Variants in STK32B observed in about 807,000 individuals in gnomAD.
The protein encoded by STK32B is serine/threonine kinase 32B, also known as serine/threonine-protein kinase 32B.
In STK32B, 43 loss-of-function variants were observed where a neutral mutation model predicts 52.6. The observed-to-expected ratio is 0.82, with a 90% CI of 0.64 to 1.05. The LOEUF (loss-of-function observed/expected upper bound fraction) is 1.05. Among genes scored for constraint, STK32B ranks in the 50% least tolerant of loss-of-function variants. The probability of loss-of-function intolerance (pLI) is 0.00; values close to 1 mark genes in which losing one functional copy is unlikely to be tolerated. For missense variants in STK32B, 621 were observed against 534.6 expected (o/e 1.16, Z -1.59); for synonymous variants, 238 against 204.3 (o/e 1.17, Z -1.41).
intron 6 of STK32B, among the ~76,000 whole-genome samples, chr4:5,425,565 C>G (rs1713020751): frequency 6.6e-6 from 1 of 151,428 alleles, no homozygotes; most frequent in African/African-American, 2.4e-5. Context: ...CATAAGTATT[C>G]CTACCCTCAT....
intron 3 of STK32B, among the ~76,000 whole-genome samples, chr4:5,289,685 A>ATTT (rs56211807): frequency 3.6e-4 from 31 of 86,870 alleles, no homozygotes; most frequent in Non-Finnish European, 5.7e-4. Flanking sequence ...TGCCCGGCTA[A>ATTT]TTTTTTTTTT....
intron 3 of STK32B, among the ~76,000 whole-genome samples, chr4:5,319,324 G>A (rs1185799979): frequency 6.6e-6 from 1 of 152,146 alleles, no homozygotes; most frequent in Non-Finnish European, 1.5e-5. Context: ...GCTCATCACT[G>A]CTTACCAATG....
At chr4:5,133,840 G>C (rs6848850) in intron 1 of STK32B, among the ~76,000 whole-genome samples, 126,160 of 151,606 alleles carry the variant, frequency 0.83, 52,857 homozygotes, top group South Asian at 0.89. Context: ...GTCTATGGCC[G>C]TCATCCTGAC....
chr4:5,370,982 A>ATGTGTGTGTGTG (rs1337439381), intron 4 of STK32B, among the ~76,000 whole-genome samples: 2 of 109,352 alleles, frequency 1.8e-5, no homozygotes, highest in African/African-American at 9.7e-5. Flanking sequence ...AAATATATAT[A>ATGTGTGTGTGTG]TATGTGTGTG....
intron 3 of STK32B, among the ~76,000 whole-genome samples, chr4:5,275,834 G>C (rs535600024): frequency 1.3e-5 from 2 of 152,138 alleles, no homozygotes; most frequent in Non-Finnish European, 2.9e-5. Context: ...AGAAGGAGAA[G>C]GGGGATGCCA....
intron 3 of STK32B, among the ~76,000 whole-genome samples, chr4:5,274,729 ACT>A (rs1471071554): frequency 6.6e-6 from 1 of 150,850 alleles, no homozygotes; most frequent in African/African-American, 2.4e-5. Context: ...ACTCTTTTTC[ACT>A]CTATTAAATC....
chr4:5,483,514 T>C (rs1718895171), intron 11 of STK32B, among the ~76,000 whole-genome samples: 1 of 152,212 alleles, frequency 6.6e-6, no homozygotes, highest in Admixed American at 6.5e-5. Flanking sequence ...GTCTATCAAT[T>C]TTGTTGACCT....
intron 6 of STK32B, among the ~76,000 whole-genome samples, chr4:5,430,028 T>G (rs539463180): frequency 6.6e-6 from 1 of 152,306 alleles, no homozygotes; most frequent in East Asian, 1.9e-4. Context: ...TTTTTGATTT[T>G]AGATATGATG....
chr4:5,481,392 T>C (rs908252085), intron 11 of STK32B, among the ~76,000 whole-genome samples: 2 of 152,232 alleles, frequency 1.3e-5, no homozygotes, highest in African/African-American at 4.8e-5. Context: ...TTTTGAGAAG[T>C]GTCTGTTCAT....
chr4:5,464,845 A>C (rs1162945528), intron 9 of STK32B, among the ~76,000 whole-genome samples: 2 of 152,198 alleles, frequency 1.3e-5, no homozygotes, highest in Non-Finnish European at 2.9e-5. Context: ...AAAACAAGGC[A>C]GAGCCTGCAT....
chr4:5,095,469 G>T (rs1232181351), intron 1 of STK32B, among the ~76,000 whole-genome samples: 1 of 152,106 alleles, frequency 6.6e-6, no homozygotes, highest in East Asian at 1.9e-4. Context: ...ATAAAAACTA[G>T]CCAGGCGTGG....
intron 4 of STK32B, among the ~76,000 whole-genome samples, chr4:5,334,459 T>C (rs1394781222): frequency 6.6e-6 from 1 of 152,152 alleles, no homozygotes; most frequent in African/African-American, 2.4e-5. Context: ...CCTAATTGAA[T>C]ACCCTTTATT....
chr4:5,385,048 C>A (rs545882650), intron 4 of STK32B, among the ~76,000 whole-genome samples: 311 of 152,164 alleles, frequency 2.0e-3, no homozygotes, highest in African/African-American at 7.3e-3. Context: ...GGGACTTTTC[C>A]GAGCGTCCAC....
chr4:5,088,735 C>A (rs1261103476), intron 1 of STK32B, among the ~76,000 whole-genome samples: 1 of 151,738 alleles, frequency 6.6e-6, no homozygotes, highest in East Asian at 1.9e-4. Flanking sequence ...AACACATACA[C>A]CTACTATGTA....
intron 3 of STK32B, among the ~76,000 whole-genome samples, chr4:5,233,557 G>C (rs1353862635): frequency 6.6e-6 from 1 of 151,996 alleles, no homozygotes; most frequent in Admixed American, 6.6e-5. Flanking sequence ...GCTGTGAAGA[G>C]TTCAAATTTA....
intron 4 of STK32B, among the ~76,000 whole-genome samples, chr4:5,366,906 G>A (rs1055739193): frequency 6.6e-6 from 1 of 152,014 alleles, no homozygotes; most frequent in Admixed American, 6.6e-5. Flanking sequence ...ACCACTACCT[G>A]GTTTGTTGCA....
the STK32B span, among the ~76,000 whole-genome samples, chr4:5,045,797 A>C: frequency 6.6e-6 from 1 of 152,176 alleles, no homozygotes; most frequent in African/African-American, 2.4e-5. Context: ...CAGCTTAAGG[A>C]GTTTTGGGGC....
At chr4:5,354,135 C>T (rs908218809) in intron 4 of STK32B, among the ~76,000 whole-genome samples, 1 of 152,150 alleles carries the variant, frequency 6.6e-6, no homozygotes, top group Non-Finnish European at 1.5e-5. Context: ...GCCAGACACA[C>T]AAGGACAAAT....
the STK32B span, among the ~76,000 whole-genome samples, chr4:5,023,150 A>G: frequency 6.6e-6 from 1 of 152,148 alleles, no homozygotes; most frequent in Admixed American, 6.5e-5. Context: ...TCTAGAATGC[A>G]AAGAAAGATT....
Sources: allele counts gnomAD v4.1 joint callset (sites outside exome capture counted in the v4.1 genomes callset), GRCh38; gene constraint gnomAD v4.1.1; transcripts MANE v1.5; gene names NCBI Gene and HGNC (gene_info 2026-07-23, HGNC 2026-07-21).